CDH18: variants seen among roughly 807,000 people sequenced by gnomAD.
CDH18 encodes cadherin-18.
Under a neutral mutation model 67.9 loss-of-function variants are expected in CDH18, and 31 were observed. The ratio of observed to expected loss-of-function variants is 0.46; its 90% CI spans 0.34 to 0.62. The LOEUF is 0.62. Ranked by LOEUF, CDH18 falls within the 20% of genes least tolerant of loss-of-function variation. The probability of loss-of-function intolerance (pLI) is 0.01; values close to 1 mark genes in which losing one functional copy is unlikely to be tolerated. For synonymous variants in CDH18, 362 were observed against 347.2 expected (o/e 1.04, Z -0.48); for missense variants, 890 against 975.5 (o/e 0.91, Z 1.17).
intron 6 of CDH18, among the ~76,000 whole-genome samples, chr5:19,603,805 TA>T (rs1411016549): frequency 6.7e-6 from 1 of 149,082 alleles, no homozygotes; most frequent in Non-Finnish European, 1.5e-5. Flanking sequence ...ATAGTATCAA[TA>T]AAATATATAT....
chr5:19,996,057 G>A (rs1216864358), intron 2 of CDH18, among the ~76,000 whole-genome samples: 2 of 151,918 alleles, frequency 1.3e-5, no homozygotes, highest in Non-Finnish European at 2.9e-5. Context: ...CACAAAAAAG[G>A]GTTATTTTAT....
chr5:20,412,160 A>G (rs10077116), intron 1 of CDH18, among the ~76,000 whole-genome samples: 151,203 of 152,296 alleles, frequency 0.99, 75,068 homozygotes, highest in Middle Eastern at 1. Context: ...AACCAAAACA[A>G]CATGGGACCA....
At chr5:20,384,335 T>C (rs1744141897) in intron 1 of CDH18, among the ~76,000 whole-genome samples, 1 of 152,166 alleles carries the variant, frequency 6.6e-6, no homozygotes. Context: ...AAAAGTGAGA[T>C]CATGCAGTGT....
At chr5:19,737,741 T>C (rs1768535901) in intron 4 of CDH18, among the ~76,000 whole-genome samples, 3 of 152,210 alleles carry the variant, frequency 2.0e-5, no homozygotes, top group African/African-American at 7.2e-5. Context: ...ATACAGTAAT[T>C]TCAGCATTTG....
intron 2 of CDH18, among the ~76,000 whole-genome samples, chr5:19,925,218 G>A (rs1296119049): frequency 6.6e-6 from 1 of 152,088 alleles, no homozygotes; most frequent in African/African-American, 2.4e-5. Context: ...CTGAAGAGGA[G>A]GGCACCCACA....
chr5:20,062,140 A>AATTATTATTATTATTATT (rs113839953), intron 2 of CDH18, among the ~76,000 whole-genome samples: 3,911 of 137,868 alleles, frequency 0.028, 87 homozygotes, highest in Middle Eastern at 0.069. Context: ...TTAAGCCCAG[A>AATTATTATTATTATTATT]ATTATTATTA....
At chr5:19,840,289 A>AG (rs1491092338) in intron 2 of CDH18, among the ~76,000 whole-genome samples, 30 of 9,084 alleles carry the variant, frequency 3.3e-3, no homozygotes, top group Admixed American at 0.012. Flanking sequence ...AAAAAAAAAG[A>AG]AAAAAAAAAA....
chr5:20,176,634 TTAATA>T (rs1737256453), intron 2 of CDH18, among the ~76,000 whole-genome samples: 2 of 152,192 alleles, frequency 1.3e-5, no homozygotes, highest in South Asian at 2.1e-4. Flanking sequence ...TACTTTTAAT[TTAATA>T]TAAGTAGGGT....
At chr5:20,308,630 A>T (rs1736700599) in intron 1 of CDH18, among the ~76,000 whole-genome samples, 1 of 152,160 alleles carries the variant, frequency 6.6e-6, no homozygotes, top group Non-Finnish European at 1.5e-5. Context: ...GTGAGAATAG[A>T]TAAATGATGA....
chr5:19,699,612 A>ATGTGTGTG (rs760334528), intron 5 of CDH18, among the ~76,000 whole-genome samples: 6 of 139,078 alleles, frequency 4.3e-5, no homozygotes, highest in South Asian at 2.3e-4. Flanking sequence ...CTCTTTCTCC[A>ATGTGTGTG]TGTGTGTGTG....
intron 5 of CDH18, among the ~76,000 whole-genome samples, chr5:19,613,230 C>T (rs1243275237): frequency 1.3e-5 from 2 of 152,094 alleles, no homozygotes; most frequent in Non-Finnish European, 2.9e-5. Context: ...GAACATTTTA[C>T]AATTTGAGCT....
chr5:19,480,740 T>C (rs1396961152), intron 12 of CDH18, among the ~76,000 whole-genome samples: 1 of 151,620 alleles, frequency 6.6e-6, no homozygotes, highest in African/African-American at 2.4e-5. Flanking sequence ...TGTACATATT[T>C]ATTTGTTTTT....
At chr5:19,706,213 G>A (rs953588712) in intron 5 of CDH18, among the ~76,000 whole-genome samples, 2 of 152,174 alleles carry the variant, frequency 1.3e-5, no homozygotes, top group African/African-American at 4.8e-5. Context: ...ATTGCAAACA[G>A]CAGTTAGGAG....
intron 7 of CDH18, among the ~76,000 whole-genome samples, chr5:19,580,251 A>C (rs1040273695): frequency 6.6e-6 from 1 of 151,876 alleles, no homozygotes; most frequent in African/African-American, 2.4e-5. Context: ...ACATGTTTAA[A>C]AATAATTTCC....
intron 2 of CDH18, among the ~76,000 whole-genome samples, chr5:19,939,303 G>T (rs1211632192): frequency 6.6e-6 from 1 of 151,148 alleles, no homozygotes; most frequent in East Asian, 1.9e-4. Flanking sequence ...TTTTTTGAAG[G>T]TTAATGGCAT....
chr5:19,828,417 C>A (rs926109267), intron 3 of CDH18, among the ~76,000 whole-genome samples: 1 of 150,338 alleles, frequency 6.7e-6, no homozygotes, highest in Non-Finnish European at 1.5e-5. Flanking sequence ...ACAACAAAAA[C>A]AACAGCAACA....
intron 2 of CDH18, among the ~76,000 whole-genome samples, chr5:20,056,255 T>C (rs192109910): frequency 1.0e-3 from 157 of 150,074 alleles, no homozygotes; most frequent in Admixed American, 4.2e-3. Flanking sequence ...CCACCCGCCT[T>C]GGCCTCCCGT....
At position 20,102,508 on chromosome 5, in the gene CDH18, C is replaced by T. The variant is rs1261213955; in HGVS notation, c.-517-110494G>A. 2.6e-5 allele frequency among the ~76,000 whole-genome samples: 4 copies of T among 152,226 alleles called. No homozygotes were observed. In the East Asian group the frequency reaches 7.7e-4, roughly 29 times the overall value. ...GGATGAAGCGGTGCTAAGCTGAATG[C>T]CTGAGGAGCAGAGTGTCTGCGAGTT... On this transcript the variant is annotated intron_variant, in intron 2 of 14. Coordinates refer to the CDH18 transcript ENST00000507958.
At chr5:19,979,812 T>C (rs748024609) in intron 2 of CDH18, among the ~76,000 whole-genome samples, 3 of 152,092 alleles carry the variant, frequency 2.0e-5, no homozygotes, top group Non-Finnish European at 2.9e-5. Context: ...TTCACATTGA[T>C]GTAATAAAAG....
Sources: gnomAD v4.1 joint callset for allele counts (sites outside exome capture counted in the v4.1 genomes callset) on GRCh38, gnomAD v4.1.1 for gene constraint, MANE v1.5 for transcripts, NCBI Gene and HGNC (gene_info 2026-07-23, HGNC 2026-07-21) for gene names.